LONP2: variants seen among roughly 807,000 people sequenced by gnomAD.
The protein encoded by LONP2 is lon peptidase 2, peroxisomal, also known as lon protease homolog 2, peroxisomal.
Under a neutral mutation model 85.6 loss-of-function variants are expected in LONP2, and 60 were observed. The observed-to-expected ratio is 0.70, with a 90% CI of 0.57 to 0.87. LONP2 has a LOEUF of 0.87. Ranked by LOEUF, LONP2 falls within the 40% of genes least tolerant of loss-of-function variation. LONP2 has a pLI of 0.00. For synonymous variants in LONP2, 395 were observed against 389.7 expected, an observed-to-expected ratio of 1.01 and a Z score of -0.16; for missense variants, 860 against 1,063.5, an observed-to-expected ratio of 0.81 and a Z score of 2.66.
chr16:48,346,023 G>C (rs1192388936), intron 12 of LONP2: 1 of 140,976 alleles, frequency 7.1e-6, no homozygotes, highest in African/African-American at 2.7e-5. Context: ...CAGCCCAGGC[G>C]ACAGAGTGAG....
intron 11 of LONP2, among the ~76,000 whole-genome samples, chr16:48,317,540 A>C (rs1205139807): frequency 1.3e-5 from 2 of 152,242 alleles, no homozygotes; most frequent in Non-Finnish European, 2.9e-5. Flanking sequence ...TGACTATTAT[A>C]AAATCTCATT....
chr16:48,282,029 TAAA>T (rs1053289424), intron 8 of LONP2, among the ~76,000 whole-genome samples: 1 of 152,224 alleles, frequency 6.6e-6, no homozygotes, highest in African/African-American at 2.4e-5. Flanking sequence ...CGAATGGAGT[TAAA>T]AAATGCCTTA....
chr16:48,356,618 TG>T lies in LONP2; in HGVS notation c.*4818del. On this transcript the variant is annotated 3_prime_UTR_variant, in exon 15 of 15. Coordinates refer to ENST00000285737, the MANE Select transcript of LONP2 (RefSeq NM_031490.5). Reference sequence around the variant, plus strand: ...TTTTGTTTGTTTTACAAACATTTGGTGGATACCACAATGAAAACTGCACTTA... The same window carrying T: ...TTTTGTTTGTTTTACAAACATTTGGTGATACCACAATGAAAACTGCACTTA... 3.2e-6 allele frequency: 1 copy of T among 311,292 alleles called. No individual in the cohort carries two copies. The highest frequency in any genetic ancestry group is 2.8e-5 in the South Asian group (1 of 36,036). 19.3% of individuals were successfully genotyped at this position (311,292 alleles called of 1,614,324 possible). A position where few individuals can be genotyped will look rare whatever the true frequency, so the allele number is the denominator to read the frequency against.
At chr16:48,261,985 A>T (rs1256144375) in intron 5 of LONP2, among the ~76,000 whole-genome samples, 1 of 152,160 alleles carries the variant, frequency 6.6e-6, no homozygotes, top group African/African-American at 2.4e-5. Context: ...TTTCCTTTGC[A>T]TACTTTTAAC....
At position 48,261,788 on chromosome 16, in the gene LONP2, ATGTT is replaced by A. The variant is rs375776802; in HGVS notation, c.887+206_887+209del. Among the ~76,000 whole-genome samples the A allele has an allele frequency of 1.1e-4, 17 of 151,840 alleles. No homozygotes were observed. In the South Asian group the frequency reaches 3.5e-3, roughly 32 times the overall value. ...GACCATGCTTCTTTGTTTATACGTA[ATGTT>A]TGTTCAGTTAGCATCATATTCTTCA... is the stretch of plus-strand genomic sequence containing the variant. On this transcript the variant is annotated intron_variant, in intron 5 of 14. Coordinates refer to ENST00000285737, the MANE Select transcript of LONP2 (RefSeq NM_031490.5).
chr16:48,267,393 G>A lies in LONP2; in HGVS notation c.983-2623G>A, dbSNP rs951845351. Among the ~76,000 whole-genome samples the A allele has an allele frequency of 6.6e-5, 10 of 152,078 alleles. 1 individual carries two copies. On this transcript the variant is annotated intron_variant, in intron 6 of 14. Transcript: ENST00000285737. ...TGACTCACTGCAGCCTCCGCCTCCT[G>A]GGTTCAAGCAATTCTCCTGCCTCAG...
Position 48,262,731 on chromosome 16 carries a change from T to G in LONP2, c.888-47T>G, listed in dbSNP as rs745615601. On this transcript the variant is annotated intron_variant, in intron 5 of 14. Coordinates refer to ENST00000285737, the MANE Select transcript of LONP2 (RefSeq NM_031490.5). ...TGTGTTTGATTTTTCTGTTATGGAATTTTTCTGTGTTCTTGAACATGTTTG... is the reference window on the plus strand; with the variant it reads ...TGTGTTTGATTTTTCTGTTATGGAAGTTTTCTGTGTTCTTGAACATGTTTG... The G allele has an allele frequency of 2.4e-6, 3 of 1,233,838 alleles. No homozygotes were observed. The East Asian group carries it at 7.2e-5, about 29-fold the overall frequency. The allele number at this position is 1,233,838 out of a possible 1,614,324, so 76.4% of individuals were successfully genotyped here.
chr16:48,271,597 T>C (rs1972107230), intron 7 of LONP2, among the ~76,000 whole-genome samples: 1 of 152,188 alleles, frequency 6.6e-6, no homozygotes, highest in South Asian at 2.1e-4. Flanking sequence ...AAAGTATCAT[T>C]ACTGGCCTTG....
chr16:48,268,573 A>G (rs1286477061), intron 6 of LONP2, among the ~76,000 whole-genome samples: 4 of 152,236 alleles, frequency 2.6e-5, no homozygotes, highest in Non-Finnish European at 5.9e-5. Context: ...TTACAGCTAT[A>G]TAAAAAGATT....
At chr16:48,349,697 A>C (rs543931071) in intron 14 of LONP2, among the ~76,000 whole-genome samples, 2 of 152,236 alleles carry the variant, frequency 1.3e-5, no homozygotes, top group African/African-American at 4.8e-5. Flanking sequence ...GAAAGTGGTC[A>C]AAGAATTATT....
chr16:48,347,542 AGGTTTG>A lies in LONP2; in HGVS notation c.1976_1981del (p.Gly659_Leu660del). 1 of 1,614,234 alleles carries A rather than the reference AGGTTTG, an allele frequency of 6.2e-7. No individual in the cohort carries two copies. Among genetic ancestry groups the A allele is most frequent in the Non-Finnish European group, 8.5e-7 (1 of 1,180,032 alleles). Reference sequence around the variant, plus strand: ...GTTTGAGTCAGCCAGGAGTAGCAATAGGTTTGGCTTGGACTCCCTTAGGTGGAGAAA... The same window carrying A: ...GTTTGAGTCAGCCAGGAGTAGCAATAGCTTGGACTCCCTTAGGTGGAGAAA... On this transcript the variant is annotated inframe_deletion, in exon 13 of 15. Transcript: ENST00000285737.
chr16:48,284,714 GACTC>G (rs940120353), intron 8 of LONP2, among the ~76,000 whole-genome samples: 1 of 152,056 alleles, frequency 6.6e-6, no homozygotes, highest in African/African-American at 2.4e-5. Context: ...ACATACATGT[GACTC>G]ACTCTGTTGC....
Position 48,351,998 on chromosome 16 carries a change from T to C in LONP2, c.*196T>C. ...TGTTGATTTAGTAAACTGATAAAAA[T>C]CGAATTCTTGTCTTTTTAGTGGGAT... On this transcript the variant is annotated 3_prime_UTR_variant, in exon 15 of 15. Transcript: ENST00000285737. 1 of 592,162 alleles carries C rather than the reference T, an allele frequency of 1.7e-6. No individual in the cohort carries two copies. Among genetic ancestry groups the C allele is most frequent in the South Asian group, 2.2e-5 (1 of 46,510 alleles). 36.7% of individuals were successfully genotyped at this position (592,162 alleles called of 1,614,324 possible). A position where few individuals can be genotyped will look rare whatever the true frequency, so the allele number is the denominator to read the frequency against.
At chr16:48,361,234 G>C (rs55791428), downstream of LONP2, 2,007 of 261,990 alleles carry the variant, frequency 7.7e-3, 43 homozygotes, top group African/African-American at 0.042. Context: ...CACCCACGCA[G>C]GCACACACTC....
intron 12 of LONP2, among the ~76,000 whole-genome samples, chr16:48,337,848 C>T (rs750709939): frequency 3.5e-4 from 53 of 152,200 alleles, no homozygotes; most frequent in Non-Finnish European, 6.5e-4. Context: ...AGGTCTCACT[C>T]TGTCACCTAG....
chr16:48,247,787 C>G (rs1248546156), intron 1 of LONP2, among the ~76,000 whole-genome samples: 1 of 152,196 alleles, frequency 6.6e-6, no homozygotes, highest in Admixed American at 6.5e-5. Context: ...TTACACTTTT[C>G]AGGGTACATG....
chr16:48,299,643 A>G lies in LONP2; in HGVS notation c.1535-19A>G. 1 of 1,591,480 alleles carries G rather than the reference A, an allele frequency of 6.3e-7. No homozygotes were observed. Among genetic ancestry groups the G allele is most frequent in the Non-Finnish European group, 8.5e-7 (1 of 1,173,740 alleles). ...GGAGCCATGTAAATAATTACAAAAC[A>G]AGATCTCTTCTTTTCCAGGTTATAC... is the stretch of plus-strand genomic sequence containing the variant. On this transcript the variant is annotated intron_variant, in intron 9 of 14. Transcript: ENST00000285737.
chr16:48,300,076 A>G (rs924082594), intron 10 of LONP2, among the ~76,000 whole-genome samples: 22 of 152,248 alleles, frequency 1.4e-4, no homozygotes, highest in African/African-American at 5.1e-4. Context: ...GCTGAAATTT[A>G]TGCTTTGCCA....
Position 48,244,889 on chromosome 16 carries a change from T to C in LONP2, c.233+268T>C, listed in dbSNP as rs184304392. On this transcript the variant is annotated intron_variant, in intron 1 of 14. Transcript: ENST00000285737. ...CTGGATAATTTAATTTGAATCCTCTTCCCCCTCTCCGCAATTCCTCGCCCT... is the reference window on the plus strand; with the variant it reads ...CTGGATAATTTAATTTGAATCCTCTCCCCCCTCTCCGCAATTCCTCGCCCT... 3.4e-3 allele frequency among the ~76,000 whole-genome samples: 523 copies of C among 152,276 alleles called. 2 individuals are homozygous for C. The highest frequency in any genetic ancestry group is 0.012 in the African/African-American group (500 of 41,550).
Sources: gnomAD v4.1 joint callset for allele counts (sites outside exome capture counted in the v4.1 genomes callset) on GRCh38, gnomAD v4.1.1 for gene constraint, MANE v1.5 for transcripts, NCBI Gene and HGNC (gene_info 2026-07-23, HGNC 2026-07-21) for gene names.